The following MAGEC3 variants were observed in gnomAD, a reference collection of about 807,000 sequenced individuals.
MAGEC3 encodes MAGE family member C3, also known as melanoma-associated antigen C3.
MAGEC3 carries 34 observed loss-of-function variants against 35.3 expected under a neutral mutation model. The observed-to-expected ratio is 0.96, with a 90% CI of 0.73 to 1.28. The LOEUF is 1.28. Among genes scored for constraint, MAGEC3 ranks in the 50% most tolerant of loss-of-function variants. MAGEC3 has a pLI of 0.00. For synonymous variants in MAGEC3, 202 were observed against 185.6 expected, an observed-to-expected ratio of 1.09 and a Z score of -0.72; for missense variants, 561 against 483.6, an observed-to-expected ratio of 1.16 and a Z score of -1.50.
intron 1 of MAGEC3, chrX:141,839,329 CT>C: frequency 1.5e-6 from 1 of 653,128 alleles, no homozygotes; most frequent in East Asian, 1.6e-4. Context: ...TACAAAATGC[CT>C]CTAGTCTGCC....
chrX:141,872,253 A>G (rs2124107580), intron 2 of MAGEC3, among the ~76,000 whole-genome samples: 1 of 111,368 alleles, frequency 9.0e-6, no homozygotes, highest in African/African-American at 3.3e-5. Context: ...GGGCCAAGCC[A>G]TTTTACAGTA....
intron 4 of MAGEC3, among the ~76,000 whole-genome samples, chrX:141,885,872 G>A (rs182335796): frequency 9.1e-6 from 1 of 110,249 alleles, no homozygotes; most frequent in African/African-American, 3.3e-5. Flanking sequence ...AGCTGAGAGG[G>A]TCCAGAAGAT....
chrX:141,881,268 TC>T, intron 3 of MAGEC3, 134 bp from the exon 4 acceptor site: 1 of 701,187 alleles, frequency 1.4e-6, no homozygotes, highest in Non-Finnish European at 2.1e-6. Context: ...TGCTGCCTCT[TC>T]CCCAGAATCC....
intron 2 of MAGEC3, among the ~76,000 whole-genome samples, chrX:141,871,224 G>A (rs1392836845): frequency 8.9e-6 from 1 of 111,767 alleles, no homozygotes; most frequent in African/African-American, 3.3e-5. Flanking sequence ...GCCTTCAGGT[G>A]AGGCCCTTTA....
Position 141,848,013 on chromosome X carries a change from C to T in MAGEC3, c.123+9575C>T, listed in dbSNP as rs777532826. Among the ~76,000 whole-genome samples the T allele has an allele frequency of 2.7e-5, 3 of 110,102 alleles. No homozygotes were observed. The South Asian group carries it at 1.1e-3, about 42-fold the overall frequency. ...GTGGATATTGCATAGTCAGGATTAT[C>T]CAGAGAAACAGGACCATCAACAGGG... On this transcript the variant is annotated intron_variant, in intron 1 of 7. Transcript: ENST00000298296.
At chrX:141,868,653 C>T (rs1283668428) in intron 2 of MAGEC3, among the ~76,000 whole-genome samples, 2 of 110,004 alleles carry the variant, frequency 1.8e-5, no homozygotes, top group Non-Finnish European at 3.8e-5. Flanking sequence ...GGATTTGTAC[C>T]ATTAAATACC....
At chrX:141,863,293 AGTT>A (rs1015209617) in intron 1 of MAGEC3, among the ~76,000 whole-genome samples, 11 of 111,314 alleles carry the variant, frequency 9.9e-5, no homozygotes, top group African/African-American at 3.3e-4. Flanking sequence ...TGCAAGGATA[AGTT>A]GTTGTTGGAG....
In MAGEC3 at chrX:141,895,492, A is replaced by G. The variant is rs777738095; in HGVS notation, c.1056A>G (p.Ala352=). The change falls in exon 6 of 8, where the codon GCA becomes GCG. Residue 352 remains alanine (A), a synonymous_variant. Coordinates refer to ENST00000298296, the MANE Select transcript of MAGEC3 (RefSeq NM_138702.1). ...TGCCCTGCGCTGCCATAGGACTTGCAGGCCACAGACAGGAAGATGGCCGCC... is the reference window on the plus strand; with the variant it reads ...TGCCCTGCGCTGCCATAGGACTTGCGGGCCACAGACAGGAAGATGGCCGCC... The part of the protein sequence containing the change: ...VLDLANPQGL[A]GHRQEDGRRG... The G allele has an allele frequency of 8.3e-7, 1 of 1,211,010 alleles. No homozygotes were observed. Among genetic ancestry groups the G allele is most frequent in the South Asian group, 1.8e-5 (1 of 56,958 alleles).
At chrX:141,879,117 A>T in intron 2 of MAGEC3, 58 bp from the exon 3 acceptor site, 1 of 1,121,123 alleles carries the variant, frequency 8.9e-7, no homozygotes, top group Non-Finnish European at 1.2e-6. Context: ...TCGGGAAGGC[A>T]GGAAGGGAAC....
At chrX:141,857,299 G>A (rs1603058114) in intron 1 of MAGEC3, among the ~76,000 whole-genome samples, 2 of 110,935 alleles carry the variant, frequency 1.8e-5, no homozygotes, top group African/African-American at 6.5e-5. Flanking sequence ...TTGCCTACAG[G>A]TGCAAATTGA....
At chrX:141,879,110 G>A (rs936716017) in intron 2 of MAGEC3, 65 bp from the exon 3 acceptor site, 157 of 1,111,493 alleles carry the variant, frequency 1.4e-4, no homozygotes, top group Non-Finnish European at 1.8e-4. Flanking sequence ...CAGCCTCTCG[G>A]GAAGGCAGGA....
chrX:141,859,068 T>A (rs1394444181), intron 1 of MAGEC3, among the ~76,000 whole-genome samples: 1 of 87,511 alleles, frequency 1.1e-5, no homozygotes, highest in Non-Finnish European at 2.3e-5. Context: ...CCATTCGCTT[T>A]GTTTCTGTCT....
intron 6 of MAGEC3, chrX:141,896,530 C>T (rs1569476004): frequency 2.3e-5 from 27 of 1,190,028 alleles, no homozygotes; most frequent in Non-Finnish European, 3.0e-5. Flanking sequence ...TTGTCAGAAC[C>T]ATCATAGGTG....
Position 141,897,825 on chromosome X carries a change from C to T in MAGEC3, c.1925C>T (p.Pro642Leu), listed in dbSNP as rs2018118216. Reference sequence around the variant, plus strand: ...AGTGTCATGTCCACCAACTTCTGTCCTGAGTGATGTCTGAAGCAGATTCCC... The same window carrying T: ...AGTGTCATGTCCACCAACTTCTGTCTTGAGTGATGTCTGAAGCAGATTCCC... ...SPSVMSTNFCPE is the reference protein window; with the variant it reads ...SPSVMSTNFCLE The change falls in exon 8 of 8, where the codon CCT (proline) becomes CTT (leucine). Residue 642 changes from proline to leucine, a missense_variant. Physicochemically the swap from Pro to Leu is moderately conservative, Grantham distance 98. Coordinates refer to ENST00000298296, the MANE Select transcript of MAGEC3 (RefSeq NM_138702.1). 1 of 1,189,798 alleles carries T rather than the reference C, an allele frequency of 8.4e-7. No homozygotes were observed. Among genetic ancestry groups the T allele is most frequent in the East Asian group, 3.0e-5 (1 of 33,718 alleles).
intron 3 of MAGEC3, chrX:141,880,831 A>T (rs1313270488): frequency 1.1e-5 from 13 of 1,134,887 alleles, no homozygotes; most frequent in South Asian, 1.9e-5. Flanking sequence ...AGAGAAGAAG[A>T]GCTGTAAGCC....
chrX:141,888,917 C>T (rs766240890), intron 4 of MAGEC3, among the ~76,000 whole-genome samples: 1 of 112,503 alleles, frequency 8.9e-6, no homozygotes, highest in Admixed American at 9.4e-5. Context: ...TTTGTCTTCA[C>T]TGGAACAGAC....
At position 141,865,686 on chromosome X, in the gene MAGEC3, G is replaced by A. The variant is rs1169189456; in HGVS notation, c.258+81G>A. The A allele has an allele frequency of 4.8e-6, 5 of 1,038,463 alleles. No individual in the cohort carries two copies. The African/African-American group carries it at 9.5e-5, about 20-fold the overall frequency. The allele number at this position is 1,038,463 out of a possible 1,213,427, so 85.6% of individuals were successfully genotyped here. ...TAGCCCTGCCCTCCCTGTGCTGTTA[G>A]CCCTGGGTGGCCCAAGGCAGGTTTC... On this transcript the variant is annotated intron_variant, in intron 2 of 7. Coordinates refer to ENST00000298296, the MANE Select transcript of MAGEC3 (RefSeq NM_138702.1).
In MAGEC3 at chrX:141,897,065, A is replaced by T; in HGVS notation, c.1307A>T (p.Glu436Val). The change falls in exon 7 of 8, where the codon GAG becomes GTG. Residue 436 changes from glutamate to valine, a missense_variant. Physicochemically the swap from Glu to Val is moderately radical, Grantham distance 121 (BLOSUM62 -2). Transcript: ENST00000298296. ...TRLDEESSSE[E>V]EDTATWHALP... ...TTGGATGAGGAGTCCAGCAGTGAAG[A>T]GGAGGATACAGCTACTTGGCATGCC... 1.7e-6 allele frequency: 2 copies of T among 1,211,526 alleles called. No individual in the cohort carries two copies. The highest frequency in any genetic ancestry group is 2.2e-6 in the Non-Finnish European group (2 of 895,473).
intron 1 of MAGEC3, 151 bp downstream of exon 1, chrX:141,838,589 T>A: frequency 2.9e-6 from 3 of 1,039,328 alleles, no homozygotes; most frequent in Non-Finnish European, 3.8e-6. Flanking sequence ...GCCTTGATGT[T>A]CATGTCTTTC....
Sources: allele counts gnomAD v4.1 joint callset (sites outside exome capture counted in the v4.1 genomes callset), GRCh38; gene constraint gnomAD v4.1.1; transcripts MANE v1.5; gene names NCBI Gene and HGNC (gene_info 2026-07-23, HGNC 2026-07-21).